The following SYNE1 variants were observed in gnomAD, a reference collection of about 807,000 sequenced individuals.
SYNE1 encodes nesprin-1.
Under a neutral mutation model 1,111.0 loss-of-function variants are expected in SYNE1, and 616 were observed. The ratio of observed to expected loss-of-function variants is 0.55; its 90% CI spans 0.52 to 0.59. The LOEUF is 0.59. Ranked by LOEUF, SYNE1 falls within the 20% of genes least tolerant of loss-of-function variation. The pLI is 0.00. For synonymous variants in SYNE1, 3,855 were observed against 3,825.8 expected (o/e 1.01, Z -0.28); for missense variants, 10,006 against 10,417.0 (o/e 0.96, Z 1.72).
chr6:152,383,561 C>G (rs1288618100), intron 55 of SYNE1, among the ~76,000 whole-genome samples: 1 of 152,180 alleles, frequency 6.6e-6, no homozygotes, highest in African/African-American at 2.4e-5. Context: ...ATCACACCCT[C>G]CTACTCTTCC....
At chr6:152,521,370 G>A (rs540133665) in intron 5 of SYNE1, among the ~76,000 whole-genome samples, 1 of 152,258 alleles carries the variant, frequency 6.6e-6, no homozygotes, top group South Asian at 2.1e-4. Flanking sequence ...ACATGTACCT[G>A]AGAGTAGAAT....
intron 131 of SYNE1, among the ~76,000 whole-genome samples, chr6:152,158,098 G>C (rs1162111418): frequency 6.6e-6 from 1 of 152,130 alleles, no homozygotes; most frequent in Admixed American, 6.5e-5. Context: ...AATGTTTTAT[G>C]ATAAAAACAA....
intron 97 of SYNE1, among the ~76,000 whole-genome samples, chr6:152,279,147 CTTT>C (rs59520598): frequency 0.2 from 22,252 of 112,538 alleles, 2,009 homozygotes; most frequent in East Asian, 0.45. Context: ...CTTTTCTTTT[CTTT>C]TTTTTTTTTT....
rs753249132 is a variant in SYNE1, at chr6:152,455,934, A to C, written c.2679T>G (p.Asp893Glu). 26 of 1,614,130 alleles carry C rather than the reference A, an allele frequency of 1.6e-5. 1 individual carries two copies. In the South Asian group the frequency reaches 2.7e-4, roughly 17 times the overall value. ...VTLSNVLKHF[D>E]QTRLQRQIAD... is the part of the protein sequence containing the mutation. Reference sequence around the variant, plus strand: ...CAATCTGTCTTTGTAGCCTCGTCTGATCAAAATGCTTTAACACGTTGCTCA... The same window carrying C: ...CAATCTGTCTTTGTAGCCTCGTCTGCTCAAAATGCTTTAACACGTTGCTCA... Residue 893 changes from aspartate to glutamate, a missense_variant, in exon 23 of 146, where the codon GAT becomes GAG. Physicochemically the swap from Asp to Glu is conservative, Grantham distance 45. This residue lies in a region of SYNE1 where 1,971 missense variants were observed against 2,084.1 expected (regional missense o/e 0.95). Transcript: ENST00000367255.
rs116000545 is a variant in SYNE1, at chr6:152,330,578, C to T, written c.14107G>A (p.Asp4703Asn). The T allele has an allele frequency of 1.1e-3, 1,825 of 1,613,830 alleles. 21 individuals carry two copies. In the African/African-American group the frequency reaches 0.022, roughly 19 times the overall value. ...QFLRMSKVPT[D>N]LAVEEALSLQ... Reference sequence around the variant, plus strand: ...GAAAGAGCCTCCTCAACGGCCAGGTCGGTGGGAACTTTGCTCATCCTCAAG... The same window carrying T: ...GAAAGAGCCTCCTCAACGGCCAGGTTGGTGGGAACTTTGCTCATCCTCAAG... Residue 4703 changes from aspartate (D) to asparagine (N), a missense_variant, in exon 78 of 146, where the codon GAC becomes AAC. Asp to Asn is a conservative substitution (Grantham distance 23). This residue lies in a region of SYNE1 where 4,955 missense variants were observed against 5,017.2 expected (regional missense o/e 0.99). Transcript: ENST00000367255.
At chr6:152,256,355 A>G (rs1255188668) in intron 102 of SYNE1, among the ~76,000 whole-genome samples, 1 of 152,018 alleles carries the variant, frequency 6.6e-6, no homozygotes, top group Non-Finnish European at 1.5e-5. Context: ...CCTTGAACCC[A>G]GGAGGCGGAG....
chr6:152,455,981 T>C lies in SYNE1; in HGVS notation c.2632A>G (p.Ser878Gly). ...TLTLIEKGSQ[S>G]VQKFVTLSNV... Reference sequence around the variant, plus strand: ...CTCAAGGTCACAAACTTTTGAACACTTTGACTGCCTTTCTCAATAAGTGTC... The same window carrying C: ...CTCAAGGTCACAAACTTTTGAACACCTTGACTGCCTTTCTCAATAAGTGTC... Residue 878 changes from serine to glycine, a missense_variant, in exon 23 of 146, where the codon AGT becomes GGT. This residue lies in a region of SYNE1 where 1,971 missense variants were observed against 2,084.1 expected (regional missense o/e 0.95). Coordinates refer to ENST00000367255, the MANE Select transcript of SYNE1 (RefSeq NM_182961.4). 6.2e-7 allele frequency: 1 copy of C among 1,614,098 alleles called. No individual in the cohort carries two copies. The highest frequency in any genetic ancestry group is 1.1e-5 in the South Asian group (1 of 91,080).
rs142083699 is a variant in SYNE1 at position 152,325,738 on chromosome 6, C to T, written c.15438+220G>A. Among the ~76,000 whole-genome samples the T allele has an allele frequency of 1.3e-3, 201 of 152,268 alleles. 1 individual carries two copies. The highest frequency in any genetic ancestry group is 4.5e-3 in the African/African-American group (185 of 41,552). ...ACATTTATTAAGTGCCACATCTTAT[C>T]GGAAGCAAATTGCTCTGAACATCTT... On this transcript the variant is annotated intron_variant, in intron 80 of 145. Coordinates refer to ENST00000367255, the MANE Select transcript of SYNE1 (RefSeq NM_182961.4).
intron 87 of SYNE1, among the ~76,000 whole-genome samples, chr6:152,313,950 G>C (rs1292365937): frequency 6.6e-6 from 1 of 152,084 alleles, no homozygotes; most frequent in Admixed American, 6.6e-5. Context: ...AATCATCCTT[G>C]ACTCCTCCCT....
intron 18 of SYNE1, chr6:152,464,917 T>C (rs879563815): frequency 2.7e-6 from 1 of 365,388 alleles, no homozygotes; most frequent in Non-Finnish European, 5.2e-6. Flanking sequence ...CAGTAGTATG[T>C]GTTTCAGCAC....
intron 47 of SYNE1, among the ~76,000 whole-genome samples, chr6:152,400,309 A>C (rs2097793277): frequency 6.6e-6 from 1 of 152,148 alleles, no homozygotes; most frequent in Non-Finnish European, 1.5e-5. Context: ...TGAAAAGTCA[A>C]CTCAGTGCTT....
rs143490673 is a variant in SYNE1 at position 152,293,969 on chromosome 6, T to C, written c.17841A>G (p.Leu5947=). The C allele has an allele frequency of 1.4e-5, 23 of 1,614,152 alleles. No homozygotes were observed. In the African/African-American group the frequency reaches 2.4e-4, roughly 17 times the overall value. The part of the protein sequence containing the change: ...LGDLQRSWET[L]KNVISEKQRT... Reference sequence around the variant, plus strand: ...CACCTTGAAGACTTACCACATTCTTTAAGGTTTCCCAAGAACGCTGCAAAT... The same window carrying C: ...CACCTTGAAGACTTACCACATTCTTCAAGGTTTCCCAAGAACGCTGCAAAT... Residue 5947 remains leucine, a synonymous_variant, in exon 94 of 146, where the codon TTA becomes TTG. Transcript: ENST00000367255.
chr6:152,364,372 CCA>C (rs1491399349), intron 63 of SYNE1, among the ~76,000 whole-genome samples: 1 of 152,066 alleles, frequency 6.6e-6, no homozygotes, highest in Non-Finnish European at 1.5e-5. Context: ...CATTTCTTTC[CCA>C]CTCCTCTATT....
chr6:152,479,173 G>A (rs1593536242), intron 14 of SYNE1, among the ~76,000 whole-genome samples: 1 of 152,118 alleles, frequency 6.6e-6, no homozygotes, highest in East Asian at 1.9e-4. Flanking sequence ...CTAGGGTTGG[G>A]TGTAGGACAG....
intron 130 of SYNE1, among the ~76,000 whole-genome samples, chr6:152,170,451 C>T (rs532889124): frequency 1.8e-3 from 278 of 152,320 alleles, no homozygotes; most frequent in African/African-American, 6.4e-3. Flanking sequence ...AGAAGTTACT[C>T]AGTAAGACCT....
rs781626097 is a variant in SYNE1, at chr6:152,155,038, C to T, written c.23983G>A (p.Glu7995Lys). 4.8e-5 allele frequency: 77 copies of T among 1,613,940 alleles called. No individual in the cohort carries two copies. Among genetic ancestry groups the T allele is most frequent in the Middle Eastern group, 1.6e-4 (1 of 6,084 alleles). The change falls in exon 133 of 146, where the codon GAA becomes AAA. Residue 7995 changes from glutamate (E) to lysine (K), a missense_variant. Glu to Lys is a moderately conservative substitution (Grantham distance 56). This residue lies in a region of SYNE1 where 2,182 missense variants were observed against 2,287.8 expected (regional missense o/e 0.95). Transcript: ENST00000367255. ...AMSMERRLKI[E>K]ETWRLWQKFL... ...TTCTGCCACAATCGCCACGTCTCTT[C>T]GATTCTGGGGCGGAAAATGAAAGAA...
intron 29 of SYNE1, among the ~76,000 whole-genome samples, chr6:152,446,053 A>G (rs1400654882): frequency 6.6e-6 from 1 of 152,038 alleles, no homozygotes; most frequent in East Asian, 1.9e-4. Context: ...AGATAAAGCA[A>G]ATGGCCTTGG....
chr6:152,336,613 C>T, intron 76 of SYNE1: 1 of 594,492 alleles, frequency 1.7e-6, no homozygotes, highest in Admixed American at 2.5e-5. Flanking sequence ...AGGTGGAGTT[C>T]AGGCATTAAT....
At chr6:152,441,845 C>T (rs1472138199) in intron 31 of SYNE1, among the ~76,000 whole-genome samples, 1 of 152,146 alleles carries the variant, frequency 6.6e-6, no homozygotes, top group African/African-American at 2.4e-5. Flanking sequence ...GATACAGCAC[C>T]TAGTCCTCAA....
Sources: allele counts gnomAD v4.1 joint callset (sites outside exome capture counted in the v4.1 genomes callset), GRCh38; gene constraint gnomAD v4.1.1; regional missense constraint gnomAD v4.1.1; transcripts MANE v1.5; gene names NCBI Gene and HGNC (gene_info 2026-07-23, HGNC 2026-07-21).